Variants in GCN1 observed in about 807,000 individuals in gnomAD.
GCN1 encodes GCN1 activator of EIF2AK4.
In GCN1, 90 loss-of-function variants were observed where a neutral mutation model predicts 288.4. That is an observed-to-expected ratio of 0.31 (90% CI 0.26 to 0.37). The LOEUF is 0.37. Ranked by LOEUF, GCN1 falls within the 10% of genes least tolerant of loss-of-function variation. GCN1 has a pLI of 1.00. For synonymous variants in GCN1, 1,386 were observed against 1,420.2 expected, an observed-to-expected ratio of 0.98 and a Z score of 0.54; for missense variants, 2,586 against 3,419.9, an observed-to-expected ratio of 0.76 and a Z score of 6.08.
intron 26 of GCN1, chr12:120,157,248 T>C: frequency 4.4e-6 from 2 of 454,772 alleles, no homozygotes; most frequent in East Asian, 3.9e-5. Context: ...ACCGTAAATA[T>C]ATGAAGAGAC....
rs1248959185 is a variant in GCN1, at chr12:120,144,807, C to A, written c.5184G>T (p.Gly1728=). ...QGLAEVMAGL[G]VEKLEKLMPE... ...GCATCAACTTCTCCAACTTCTCCAC[C>A]CCCAAACCGGCCATGACCTCAGCCA... is the stretch of plus-strand genomic sequence containing the variant. The change falls in exon 41 of 58, where the codon GGG becomes GGT. Residue 1728 remains glycine, a synonymous_variant. Coordinates refer to ENST00000300648, the MANE Select transcript of GCN1 (RefSeq NM_006836.2). The surrounding 1 kb of genome is among the most constrained non-coding windows in gnomAD (Gnocchi z 4.7). The A allele has an allele frequency of 2.4e-5, 38 of 1,614,080 alleles. No individual in the cohort carries two copies. The highest frequency in any genetic ancestry group is 3.1e-5 in the Non-Finnish European group (37 of 1,180,034).
At position 120,177,516 on chromosome 12, in the gene GCN1, C is replaced by A; in HGVS notation, c.769G>T (p.Glu257Ter). The A allele has an allele frequency of 6.2e-7, 1 of 1,611,920 alleles. No homozygotes were observed. The highest frequency in any genetic ancestry group is 8.5e-7 in the Non-Finnish European group (1 of 1,178,042). ...APLLRYLSHSEFKDLILPTIQ... is the reference protein window; with the variant it reads ...APLLRYLSHS ...GTGGGCAGTATCAGATCCTTAAATT[C>A]TGAGTGGGACAGGTATCGGAGCAGA... The change falls in exon 9 of 58, where the codon GAA (glutamate) becomes TAA (stop). Residue 257 changes from glutamate (E) to a stop codon, truncating the protein, a stop_gained. Transcript: ENST00000300648. LOFTEE classifies it high-confidence loss of function.
chr12:120,135,066 A>G (rs758891170), intron 51 of GCN1, among the ~76,000 whole-genome samples: 1 of 152,226 alleles, frequency 6.6e-6, no homozygotes, highest in Non-Finnish European at 1.5e-5. Context: ...CTCTGAATAC[A>G]TTAACAAGCA....
Position 120,129,303 on chromosome 12 carries a change from C to T in GCN1, c.7863G>A (p.Lys2621=). The change falls in exon 57 of 58, where the codon AAG becomes AAA. Residue 2621 remains lysine (K), a synonymous_variant. Coordinates refer to ENST00000300648, the MANE Select transcript of GCN1 (RefSeq NM_006836.2). ...YSDQAIVNLL[K]MRQGEEVFQS... ...GAAACACCTCTTCACCCTGCCGCAT[C>T]TTGAGGAGGTTGACAATTGCCTGGT... The T allele has an allele frequency of 1.9e-6, 3 of 1,614,130 alleles. No homozygotes were observed. The highest frequency in any genetic ancestry group is 2.5e-6 in the Non-Finnish European group (3 of 1,179,976).
At chr12:120,176,249 G>GTGCTT in intron 9 of GCN1, 32 bp from the exon 10 acceptor site, 1 of 1,396,550 alleles carries the variant, frequency 7.2e-7, no homozygotes, top group Non-Finnish European at 1.0e-6. Flanking sequence ...GACCATGTCA[G>GTGCTT]TCTAAGCAAT....
intron 46 of GCN1, 23 bp from the exon 47 acceptor site, chr12:120,138,438 C>G: frequency 6.9e-7 from 1 of 1,457,680 alleles, no homozygotes; most frequent in Non-Finnish European, 9.6e-7. Context: ...TTGGGGACAA[C>G]CCTGAGGAAT....
In GCN1 at chr12:120,131,307, C is replaced by T. The variant is rs779140560; in HGVS notation, c.7441G>A (p.Val2481Ile). 1 of 1,614,084 alleles carries T rather than the reference C, an allele frequency of 6.2e-7. No homozygotes were observed. Among genetic ancestry groups the T allele is most frequent in the African/African-American group, 1.3e-5 (1 of 75,060 alleles). Residue 2481 changes from valine to isoleucine, a missense_variant, in exon 55 of 58, where the codon GTT (valine) becomes ATT (isoleucine). Physicochemically the swap from Val to Ile is conservative, Grantham distance 29. Coordinates refer to ENST00000300648, the MANE Select transcript of GCN1 (RefSeq NM_006836.2). ...AGTGCCAGGCTCCGCCCGTGCCGAA[C>T]CATCCAGTCAATGCCGGACACGTCC... ...LADVSGIDWM[V>I]RHGRSLALSV...
In GCN1 at chr12:120,149,696, C is replaced by T; in HGVS notation, c.4456G>A (p.Val1486Met). ...CCGTGAGCACTCAAGTTGCTCATCA[C>T]AGCCTTGGCACAGTCATCTGCAGCC... ...REAADDCAKA[V>M]MSNLSAHGVK... Residue 1486 changes from valine (V) to methionine (M), a missense_variant, in exon 36 of 58, where the codon GTG becomes ATG. Val to Met is a conservative substitution (Grantham distance 21). Transcript: ENST00000300648. 6.2e-7 allele frequency: 1 copy of T among 1,613,998 alleles called. No individual in the cohort carries two copies. The highest frequency in any genetic ancestry group is 8.5e-7 in the Non-Finnish European group (1 of 1,179,888).
At chr12:120,163,470 A>G (rs1209134340) in intron 18 of GCN1, among the ~76,000 whole-genome samples, 2 of 152,326 alleles carry the variant, frequency 1.3e-5, no homozygotes, top group African/African-American at 4.8e-5. Context: ...TTGCATCTAA[A>G]AAGCCTGCAG....
chr12:120,175,785 T>C lies in GCN1; in HGVS notation c.1003A>G (p.Met335Val), dbSNP rs200970348. 64 of 1,613,210 alleles carry C rather than the reference T, an allele frequency of 4.0e-5. No homozygotes were observed. In the African/African-American group the frequency reaches 7.5e-4, roughly 19 times the overall value. Residue 335 changes from methionine to valine, a missense_variant, in exon 11 of 58, where the codon ATG becomes GTG. Transcript: ENST00000300648. Reference sequence around the variant, plus strand: ...AATAGGTGCTTGGTCAGGGATTCCATGGCCGAAGAGTCACTGCACTGGCGT... The same window carrying C: ...AATAGGTGCTTGGTCAGGGATTCCACGGCCGAAGAGTCACTGCACTGGCGT... ...LARQCSDSSA[M>V]ESLTKHLFAI...
intron 54 of GCN1, 72 bp from the exon 55 acceptor site, chr12:120,131,405 G>C: frequency 6.8e-7 from 1 of 1,479,434 alleles, no homozygotes; most frequent in Non-Finnish European, 9.3e-7. Context: ...AGGCCCATGG[G>C]CCCACCCCGC....
At chr12:120,138,575 C>T in intron 46 of GCN1, 120 bp downstream of exon 46, 4 of 1,103,304 alleles carry the variant, frequency 3.6e-6, no homozygotes, top group Non-Finnish European at 5.5e-6. Context: ...TCTTGCTATA[C>T]CCACTCCCTC....
In GCN1 at chr12:120,175,894, G is replaced by C; in HGVS notation, c.914-20C>G. On this transcript the variant is annotated intron_variant, in intron 10 of 57. Coordinates refer to ENST00000300648, the MANE Select transcript of GCN1 (RefSeq NM_006836.2). ...GGTGACCTGCACACACAAAGCCACT[G>C]CTCAGAAGCAGCCAACAACTGAGCA... The C allele has an allele frequency of 6.3e-7, 1 of 1,592,258 alleles. No individual in the cohort carries two copies. The highest frequency in any genetic ancestry group is 1.4e-5 in the African/African-American group (1 of 73,718).
intron 42 of GCN1, among the ~76,000 whole-genome samples, chr12:120,143,221 G>A (rs993798569): frequency 2.0e-5 from 3 of 152,176 alleles, no homozygotes; most frequent in Admixed American, 6.5e-5. Flanking sequence ...TACAAAAGGG[G>A]AAGCATTAAC....
chr12:120,141,444 C>T (rs1200878748), intron 44 of GCN1, among the ~76,000 whole-genome samples: 1 of 152,180 alleles, frequency 6.6e-6, no homozygotes, highest in Non-Finnish European at 1.5e-5. Context: ...GAGCCAAATA[C>T]ACAATTTGCT....
intron 2 of GCN1, 116 bp from the exon 3 acceptor site, chr12:120,185,003 G>C: frequency 1.4e-6 from 1 of 705,138 alleles, no homozygotes; most frequent in Non-Finnish European, 2.5e-6. Context: ...ATATATTTAA[G>C]ACCTTCCTCC....
At chr12:120,128,150 C>G (rs115155492) in intron 57 of GCN1, among the ~76,000 whole-genome samples, 176 bp from the exon 58 acceptor site, 1 of 152,214 alleles carries the variant, frequency 6.6e-6, no homozygotes, top group African/African-American at 2.4e-5. Context: ...ACTCATCATG[C>G]TTTTCTATTT....
At chr12:120,150,083 C>A (rs747652866) in intron 34 of GCN1, 40 bp from the exon 35 acceptor site, 13 of 1,608,670 alleles carry the variant, frequency 8.1e-6, no homozygotes, top group Non-Finnish European at 1.1e-5. Flanking sequence ...AAGAGAATGT[C>A]CCCTGGGGGT....
intron 15 of GCN1, 72 bp downstream of exon 15, chr12:120,170,097 C>A: frequency 7.2e-7 from 1 of 1,385,254 alleles, no homozygotes; most frequent in Non-Finnish European, 1.0e-6. Flanking sequence ...TCCTGAACAT[C>A]AAGACACACC....
Sources: allele counts gnomAD v4.1 joint callset (sites outside exome capture counted in the v4.1 genomes callset), GRCh38; gene constraint gnomAD v4.1.1; non-coding constraint Gnocchi (gnomAD v3.1); transcripts MANE v1.5; gene names NCBI Gene and HGNC (gene_info 2026-07-23, HGNC 2026-07-21).